Variants in DTWD2 observed in about 807,000 individuals in gnomAD.
The protein encoded by DTWD2 is tRNA-uridine aminocarboxypropyltransferase 2.
A neutral mutation model predicts 31.8 loss-of-function variants in DTWD2; 39 were observed. The observed-to-expected ratio is 1.22, with a 90% CI of 0.95 to 1.60. The LOEUF is 1.60. DTWD2 is among the 40% of genes most tolerant of loss of function. The probability of loss-of-function intolerance (pLI) is 0.00; values close to 1 mark genes in which losing one functional copy is unlikely to be tolerated. For missense variants in DTWD2, 515 were observed against 381.5 expected (o/e 1.35, Z -2.92); for synonymous variants, 180 against 142.8 (o/e 1.26, Z -1.86).
In DTWD2 at chr5:118,988,262, G is replaced by C. The variant is rs1755476506; in HGVS notation, c.218+32C>G. The C allele has an allele frequency of 2.6e-6, 4 of 1,529,946 alleles. No homozygotes were observed. In the African/African-American group the frequency reaches 4.1e-5, roughly 16 times the overall value. 94.8% of individuals were successfully genotyped at this position (1,529,946 alleles called of 1,614,324 possible). ...CACCCTCCTCCGAAGGCCGCTGCCG[G>C]CTGCAGTCCCCGCCCCCAGCCCCGC... is the stretch of plus-strand genomic sequence containing the variant. On this transcript the variant is annotated intron_variant, in intron 1 of 5. Coordinates refer to ENST00000510708, the MANE Select transcript of DTWD2 (RefSeq NM_173666.4).
rs1753889324 is a variant in DTWD2 at position 118,930,082 on chromosome 5, T to A, written c.405-1353A>T. ...CCATCTGGCCATTTCTCTGAGTTCT[T>A]ATATTTCATAAGACTCCCTTACACG... On this transcript the variant is annotated intron_variant, in intron 3 of 5. Coordinates refer to ENST00000510708, the MANE Select transcript of DTWD2 (RefSeq NM_173666.4). Among the ~76,000 whole-genome samples, 3 of 152,198 alleles carry A rather than the reference T, an allele frequency of 2.0e-5. No individual in the cohort carries two copies. In the South Asian group the frequency reaches 6.2e-4, roughly 32 times the overall value.
At chr5:118,931,637 C>A (rs1171250578) in intron 3 of DTWD2, among the ~76,000 whole-genome samples, 3 of 152,148 alleles carry the variant, frequency 2.0e-5, no homozygotes, top group Non-Finnish European at 4.4e-5. Context: ...TCCAGTAATA[C>A]AGTTGGAGAC....
chr5:118,852,607 T>C (rs1752036399), intron 4 of DTWD2, among the ~76,000 whole-genome samples: 1 of 152,194 alleles, frequency 6.6e-6, no homozygotes, highest in South Asian at 2.1e-4. Flanking sequence ...GAAATGTTTA[T>C]ACACTGCTTG....
intron 1 of DTWD2, among the ~76,000 whole-genome samples, chr5:118,984,758 T>G (rs750336758): frequency 6.6e-5 from 10 of 152,166 alleles, no homozygotes; most frequent in Admixed American, 1.3e-4. Context: ...TAGACATTAT[T>G]CCATTATTCC....
intron 4 of DTWD2, among the ~76,000 whole-genome samples, chr5:118,912,480 C>G (rs1019160793): frequency 6.6e-6 from 1 of 152,248 alleles, no homozygotes; most frequent in Non-Finnish European, 1.5e-5. Context: ...GTTCCTCTCT[C>G]GCTAAGCTCC....
chr5:118,950,912 T>A (rs569163734), intron 1 of DTWD2, among the ~76,000 whole-genome samples: 2 of 152,146 alleles, frequency 1.3e-5, no homozygotes, highest in Admixed American at 1.3e-4. Context: ...GAGCTTTTTT[T>A]AAACGTCAGG....
chr5:118,961,340 C>T (rs1754702327), intron 1 of DTWD2, among the ~76,000 whole-genome samples: 2 of 152,218 alleles, frequency 1.3e-5, no homozygotes, highest in East Asian at 1.9e-4. Flanking sequence ...GCTTTCTTAA[C>T]AGCAAATTAA....
At chr5:118,963,974 C>A (rs1754766515) in intron 1 of DTWD2, among the ~76,000 whole-genome samples, 1 of 152,088 alleles carries the variant, frequency 6.6e-6, no homozygotes, top group Non-Finnish European at 1.5e-5. Context: ...CTTTGGGAGG[C>A]CGAGGCGTGT....
intron 4 of DTWD2, among the ~76,000 whole-genome samples, chr5:118,900,255 G>T (rs1165146410): frequency 6.6e-6 from 1 of 152,060 alleles, no homozygotes; most frequent in African/African-American, 2.4e-5. Flanking sequence ...ACAGGAACTG[G>T]GGTTATTACA....
chr5:118,888,854 T>C (rs61128026), intron 4 of DTWD2, among the ~76,000 whole-genome samples: 5,734 of 152,278 alleles, frequency 0.038, 367 homozygotes, highest in African/African-American at 0.13. Flanking sequence ...TAATGACTAA[T>C]GTTACTAATA....
intron 4 of DTWD2, among the ~76,000 whole-genome samples, chr5:118,868,229 G>C (rs1413172000): frequency 6.6e-6 from 1 of 151,444 alleles, no homozygotes; most frequent in Non-Finnish European, 1.5e-5. Flanking sequence ...AATGTTGTTG[G>C]GCCCTTAGCT....
At chr5:118,969,363 G>A (rs1394908335) in intron 1 of DTWD2, among the ~76,000 whole-genome samples, 13 of 152,192 alleles carry the variant, frequency 8.5e-5, no homozygotes. Flanking sequence ...CCCTGATCCT[G>A]TTCCCCCTGA....
At chr5:118,916,359 T>A (rs1753576830) in intron 4 of DTWD2, among the ~76,000 whole-genome samples, 1 of 152,110 alleles carries the variant, frequency 6.6e-6, no homozygotes, top group South Asian at 2.1e-4. Context: ...TTATAATACA[T>A]CACTAGTCTA....
chr5:118,879,539 G>A (rs1487824045), intron 4 of DTWD2, among the ~76,000 whole-genome samples: 1 of 151,088 alleles, frequency 6.6e-6, no homozygotes, highest in Non-Finnish European at 1.5e-5. Flanking sequence ...GAACCCAGGA[G>A]GCAGAGGTTG....
At chr5:118,941,576 CATT>C (rs1036400365) in intron 2 of DTWD2, among the ~76,000 whole-genome samples, 5 of 152,168 alleles carry the variant, frequency 3.3e-5, no homozygotes, top group African/African-American at 1.2e-4. Flanking sequence ...TCCAGTCTAT[CATT>C]GTTGGACATT....
intron 4 of DTWD2, among the ~76,000 whole-genome samples, chr5:118,874,586 C>T (rs1425557139): frequency 6.6e-6 from 1 of 152,034 alleles, no homozygotes; most frequent in African/African-American, 2.4e-5. Flanking sequence ...AACAGCAGAA[C>T]AGACCAAGTG....
intron 1 of DTWD2, among the ~76,000 whole-genome samples, chr5:118,986,167 G>A (rs1468175488): frequency 6.6e-6 from 1 of 152,074 alleles, no homozygotes; most frequent in Non-Finnish European, 1.5e-5. Flanking sequence ...ATACTCTGGG[G>A]AGATCAGCCA....
intron 1 of DTWD2, among the ~76,000 whole-genome samples, chr5:118,964,594 C>T (rs932102363): frequency 6.6e-6 from 1 of 152,230 alleles, no homozygotes; most frequent in African/African-American, 2.4e-5. Flanking sequence ...CGCGTGCCGC[C>T]ACGCCTGACT....
At chr5:118,858,274 A>C (rs1369739812) in intron 4 of DTWD2, among the ~76,000 whole-genome samples, 1 of 152,208 alleles carries the variant, frequency 6.6e-6, no homozygotes, top group African/African-American at 2.4e-5. Flanking sequence ...ATTTAGAGAA[A>C]AGGTACTCAA....
Sources: gnomAD v4.1 joint callset for allele counts (sites outside exome capture counted in the v4.1 genomes callset) on GRCh38, gnomAD v4.1.1 for gene constraint, MANE v1.5 for transcripts, NCBI Gene and HGNC (gene_info 2026-07-23, HGNC 2026-07-21) for gene names.